The following CDCA5 variants were observed in gnomAD, a reference collection of about 807,000 sequenced individuals.
The protein encoded by CDCA5 is sororin.
In CDCA5, 14 loss-of-function variants were observed where a neutral mutation model predicts 25.7. The observed-to-expected ratio is 0.54, with a 90% CI of 0.36 to 0.85. The LOEUF is 0.85. Among genes scored for constraint, CDCA5 ranks in the 40% least tolerant of loss-of-function variants. The probability of loss-of-function intolerance (pLI) is 0.01; values close to 1 mark genes in which losing one functional copy is unlikely to be tolerated. For missense variants in CDCA5, 307 were observed against 324.5 expected (o/e 0.95, Z 0.41); for synonymous variants, 127 against 128.7 (o/e 0.99, Z 0.09).
rs149675910 is a variant in CDCA5 at position 65,067,991 on chromosome 11, A to ACT, written c.269+34_269+35dup. ...CGTGCCTGCATGTGCCTGCATGGGC[A>ACT]CTCTCTCTCTCTCTCTCTCTCTCAT... On this transcript the variant is annotated intron_variant, in intron 3 of 6. Coordinates refer to the CDCA5 transcript ENST00000525464. 5.2e-3 allele frequency: 5,804 copies of ACT among 1,108,738 alleles called. 7 individuals carry two copies. Among genetic ancestry groups the ACT allele is most frequent in the African/African-American group, 9.9e-3 (585 of 58,984 alleles). 68.7% of individuals were successfully genotyped at this position (1,108,738 alleles called of 1,614,324 possible). A position where few individuals can be genotyped will look rare whatever the true frequency, so the allele number is the denominator to read the frequency against.
At chr11:65,066,350 C>G (rs899281466), downstream of CDCA5, 2 of 1,172,350 alleles carry the variant, frequency 1.7e-6, no homozygotes. Flanking sequence ...GCTGAAGGAG[C>G]GGCCTCCCGA....
intron 1 of CDCA5, among the ~76,000 whole-genome samples, chr11:65,071,182 T>G (rs1444304022): frequency 6.6e-6 from 1 of 151,864 alleles, no homozygotes; most frequent in East Asian, 1.9e-4. Context: ...GACCTCATGA[T>G]CTGCCCGCCT....
chr11:65,083,765 A>T, intron 1 of CDCA5, 42 bp from the exon 2 acceptor site: 2 of 1,572,938 alleles, frequency 1.3e-6, no homozygotes, highest in Non-Finnish European at 1.7e-6. Flanking sequence ...AGGACTCTAG[A>T]CCTTAGAGTC....
chr11:65,072,165 C>T (rs1307772071), intron 1 of CDCA5, among the ~76,000 whole-genome samples: 2 of 152,214 alleles, frequency 1.3e-5, no homozygotes, highest in Non-Finnish European at 2.9e-5. Flanking sequence ...TGGAATTGGC[C>T]TCACTTTTCA....
At chr11:65,063,447 G>C (rs1029037712), downstream of CDCA5, among the ~76,000 whole-genome samples, 1 of 152,136 alleles carries the variant, frequency 6.6e-6, no homozygotes, top group Non-Finnish European at 1.5e-5. Flanking sequence ...GATAACAGTC[G>C]CCAACACATG....
At chr11:65,061,796 C>CA (rs1308570229), downstream of CDCA5, among the ~76,000 whole-genome samples, 40 of 126,662 alleles carry the variant, frequency 3.2e-4, no homozygotes, top group South Asian at 2.6e-4. Context: ...AAAAAAAAAA[C>CA]AAAAAAAACC....
chr11:65,067,082 C>T (rs1947253071), intron 4 of CDCA5, among the ~76,000 whole-genome samples: 1 of 152,210 alleles, frequency 6.6e-6, no homozygotes, highest in Non-Finnish European at 1.5e-5. Flanking sequence ...TAGCAGGGGA[C>T]CGAGAGAGAG....
Position 65,078,843 on chromosome 11 carries a change from A to C in CDCA5, c.*264T>G. 1 of 1,181,542 alleles carries C rather than the reference A, an allele frequency of 8.5e-7. No homozygotes were observed. The allele number at this position is 1,181,542 out of a possible 1,614,324, so 73.2% of individuals were successfully genotyped here. A position where few individuals can be genotyped will look rare whatever the true frequency, so the allele number is the denominator to read the frequency against. ...TCTGTGGCCCATCTGGAAACTGGCTATGGTACTTTGGGGAGATAGGAAGGA... is the reference window on the plus strand; with the variant it reads ...TCTGTGGCCCATCTGGAAACTGGCTCTGGTACTTTGGGGAGATAGGAAGGA... On this transcript the variant is annotated 3_prime_UTR_variant, in exon 6 of 6. Transcript: ENST00000275517.
At chr11:65,061,652 G>A (rs564828612), downstream of CDCA5, among the ~76,000 whole-genome samples, 1 of 151,656 alleles carries the variant, frequency 6.6e-6, no homozygotes, top group South Asian at 2.1e-4. Context: ...GCGGGCACCT[G>A]TAGTCCCAGC....
downstream of CDCA5, among the ~76,000 whole-genome samples, chr11:65,075,897 GAAA>G (rs1565278372): frequency 6.6e-6 from 1 of 152,162 alleles, no homozygotes; most frequent in Non-Finnish European, 1.5e-5. Flanking sequence ...GAAAAGCCAA[GAAA>G]AAGGAGCTGG....
chr11:65,072,935 A>ATTT (rs1242662667), downstream of CDCA5, among the ~76,000 whole-genome samples: 15 of 127,154 alleles, frequency 1.2e-4, no homozygotes, highest in African/African-American at 3.9e-4. Flanking sequence ...GTATTATTTC[A>ATTT]TTCTTTTTTT....
At chr11:65,063,574 G>C (rs947760340), downstream of CDCA5, among the ~76,000 whole-genome samples, 2 of 152,222 alleles carry the variant, frequency 1.3e-5, no homozygotes, top group African/African-American at 4.8e-5. Flanking sequence ...AGACAGCAAG[G>C]GGTGGAGCTG....
intron 2 of CDCA5, chr11:65,068,426 T>C (rs1947281483): frequency 9.6e-7 from 1 of 1,040,130 alleles, no homozygotes; most frequent in Non-Finnish European, 1.3e-6. Flanking sequence ...ACAGGAAGAA[T>C]TTCTCCAGCT....
exon 6 of CDCA5, chr11:65,066,625 C>T (rs1324454900): frequency 7.8e-7 from 1 of 1,288,600 alleles, no homozygotes; most frequent in Non-Finnish European, 1.0e-6. Flanking sequence ...ATGGCCTGGG[C>T]CTCCTCCTGG....
rs552613097 is a variant in CDCA5 at position 65,067,223 on chromosome 11, CAGGGT to C, written c.369-349_369-345del. Among the ~76,000 whole-genome samples, 41 of 152,302 alleles carry C rather than the reference CAGGGT, an allele frequency of 2.7e-4. No homozygotes were observed. In the South Asian group the frequency reaches 8.1e-3, roughly 30 times the overall value. ...GCTAGCCGCTCCTTTGGGCTGTAGG[CAGGGT>C]TGCAACAGGATTCTCTGTGGCTCCA... is the stretch of plus-strand genomic sequence containing the variant. On this transcript the variant is annotated intron_variant, in intron 4 of 6. Coordinates refer to the CDCA5 transcript ENST00000525464.
At chr11:65,067,838 A>G in intron 3 of CDCA5, 1 of 952,760 alleles carries the variant, frequency 1.0e-6, no homozygotes. Flanking sequence ...GCCCAGCCAA[A>G]GGCCCCGGCT....
chr11:65,061,958 T>C (rs1590780777), downstream of CDCA5, among the ~76,000 whole-genome samples: 1 of 146,410 alleles, frequency 6.8e-6, no homozygotes, highest in East Asian at 2.1e-4. Context: ...TTCGCTTTTG[T>C]TGCCCAGGCT....
downstream of CDCA5, among the ~76,000 whole-genome samples, chr11:65,064,104 C>CA (rs1354107660): frequency 6.6e-6 from 1 of 152,138 alleles, no homozygotes; most frequent in African/African-American, 2.4e-5. Flanking sequence ...AGCGCTGTCC[C>CA]AGGCTGAGAC....
chr11:65,081,732 A>G (rs1455692801), intron 4 of CDCA5, among the ~76,000 whole-genome samples: 1 of 152,134 alleles, frequency 6.6e-6, no homozygotes, highest in Non-Finnish European at 1.5e-5. Flanking sequence ...TTAGGAGGCC[A>G]AGGTGGGAGG....
Sources: gnomAD v4.1 joint callset for allele counts (sites outside exome capture counted in the v4.1 genomes callset) on GRCh38, gnomAD v4.1.1 for gene constraint, MANE v1.5 for transcripts, NCBI Gene and HGNC (gene_info 2026-07-23, HGNC 2026-07-21) for gene names.